Variants in PCDHA3 observed in about 807,000 individuals in gnomAD.
PCDHA3 encodes the protein protocadherin alpha 3.
In PCDHA3, 41 loss-of-function variants were observed where a neutral mutation model predicts 62.2. The observed-to-expected ratio is 0.66, with a 90% CI of 0.51 to 0.86. PCDHA3 has a LOEUF of 0.86. Ranked by LOEUF, PCDHA3 falls within the 40% of genes least tolerant of loss-of-function variation. The pLI is 0.00. For synonymous variants in PCDHA3, 640 were observed against 555.4 expected (o/e 1.15, Z -2.14); for missense variants, 1,304 against 1,241.2 (o/e 1.05, Z -0.76).
intron 1 of PCDHA3, chr5:140,870,556 G>A (rs782048917): frequency 8.1e-6 from 13 of 1,614,038 alleles, no homozygotes; most frequent in Middle Eastern, 1.7e-4. Flanking sequence ...GGACGCGCAG[G>A]AGAACGCGCT....
chr5:140,831,736 C>A (rs1771682555), intron 1 of PCDHA3, among the ~76,000 whole-genome samples: 1 of 152,014 alleles, frequency 6.6e-6, no homozygotes. Flanking sequence ...TCCTCCCTTG[C>A]CTAAATTTCA....
intron 1 of PCDHA3, chr5:140,841,323 T>G: frequency 1.3e-6 from 2 of 1,588,196 alleles, no homozygotes; most frequent in Non-Finnish European, 1.7e-6. Flanking sequence ...CTATTTAACA[T>G]GGATTATCAC....
chr5:140,811,529 T>C (rs1554125761), intron 1 of PCDHA3: 2 of 152,210 alleles, frequency 1.3e-5, no homozygotes. Context: ...TACCCAGTAA[T>C]GGGTCAAATG....
chr5:140,888,811 T>C (rs187578319), intron 1 of PCDHA3, among the ~76,000 whole-genome samples: 124 of 152,270 alleles, frequency 8.1e-4, no homozygotes, highest in African/African-American at 1.8e-3. Context: ...CAGTGATCTG[T>C]GATCTGTGAT....
intron 1 of PCDHA3, chr5:140,850,611 G>C (rs1353719119): frequency 6.3e-7 from 1 of 1,598,588 alleles, no homozygotes; most frequent in Non-Finnish European, 8.6e-7. Flanking sequence ...CGCCATCTGC[G>C]CGGTGTCTAG....
intron 1 of PCDHA3, chr5:140,854,657 T>C (rs1554147373): frequency 6.7e-6 from 1 of 149,998 alleles, no homozygotes; most frequent in Non-Finnish European, 1.5e-5. Context: ...ATAAAATAAA[T>C]TAACCCTTGC....
In PCDHA3 at chr5:140,802,454, G is replaced by C. The variant is rs1554122143; in HGVS notation, c.1257G>C (p.Ser419=). The part of the protein sequence containing the change: ...LDSPLDRESV[S]AYELVVTARD... The stretch of plus-strand genomic sequence containing the variant: ...GCCCTCTGGACCGCGAGAGCGTGTC[G>C]GCCTATGAGCTGGTGGTGACTGCTC... The change falls in exon 1 of 4, where the codon TCG becomes TCC. Residue 419 remains serine (S), a synonymous_variant. Coordinates refer to ENST00000522353, the MANE Select transcript of PCDHA3 (RefSeq NM_018906.3). 3.1e-6 allele frequency: 5 copies of C among 1,614,096 alleles called. No homozygotes were observed. Among genetic ancestry groups the C allele is most frequent in the Admixed American group, 1.7e-5 (1 of 60,012 alleles).
intron 1 of PCDHA3, chr5:140,836,418 T>G (rs1470820599): frequency 6.2e-7 from 1 of 1,613,726 alleles, no homozygotes; most frequent in Non-Finnish European, 8.5e-7. Context: ...ACCAAAGGCG[T>G]CGTCGCGGGC....
intron 1 of PCDHA3, chr5:140,822,581 A>T: frequency 6.2e-7 from 1 of 1,610,708 alleles, no homozygotes; most frequent in Non-Finnish European, 8.5e-7. Flanking sequence ...TCAGATGCAG[A>T]TGAGGGCATC....
At chr5:140,858,647 A>T in intron 1 of PCDHA3, 1 of 821,512 alleles carries the variant, frequency 1.2e-6, no homozygotes, top group Non-Finnish European at 1.8e-6. Context: ...ATTGGTACTT[A>T]AATTTTTTTA....
chr5:140,851,492 T>C, intron 1 of PCDHA3: 2 of 896,256 alleles, frequency 2.2e-6, no homozygotes, highest in Non-Finnish European at 2.7e-6. Context: ...ACAGCCTTCA[T>C]TTCAACTTAT....
At chr5:140,921,202 C>T (rs528515993) in intron 1 of PCDHA3, among the ~76,000 whole-genome samples, 20 of 151,968 alleles carry the variant, frequency 1.3e-4, no homozygotes, top group African/African-American at 3.6e-4. Context: ...AGATTGACAA[C>T]GATAATTCAC....
At chr5:140,848,448 T>C (rs2150410519) in intron 1 of PCDHA3, 3 of 1,511,550 alleles carry the variant, frequency 2.0e-6, no homozygotes, top group African/African-American at 1.4e-5. Flanking sequence ...TGATTTCTTC[T>C]AATTTGGAGG....
intron 1 of PCDHA3, chr5:140,876,290 T>C: frequency 6.2e-7 from 1 of 1,614,074 alleles, no homozygotes; most frequent in Non-Finnish European, 8.5e-7. Flanking sequence ...GACGAAGGAC[T>C]TAATGGAGAA....
At chr5:140,836,549 G>C (rs2150263747) in intron 1 of PCDHA3, 1 of 1,613,770 alleles carries the variant, frequency 6.2e-7, no homozygotes, top group East Asian at 2.2e-5. Flanking sequence ...CGGCGTTGCG[G>C]TGCTCAGCGC....
chr5:140,982,582 T>C lies in PCDHA3; in HGVS notation c.2542+19T>C. On this transcript the variant is annotated intron_variant, in intron 3 of 3. Transcript: ENST00000522353. ...ACACCAGGTAAAGAGCTGGGGTCTC[T>C]CCATTCTTTCTTGGTTTCTGGAAAG... 6.2e-7 allele frequency: 1 copy of C among 1,612,148 alleles called. No homozygotes were observed. Among genetic ancestry groups the C allele is most frequent in the Non-Finnish European group, 8.5e-7 (1 of 1,178,720 alleles).
intron 1 of PCDHA3, chr5:140,875,922 T>C: frequency 6.2e-7 from 1 of 1,614,200 alleles, no homozygotes; most frequent in South Asian, 1.1e-5. Context: ...CTCTGGACTC[T>C]CATTTTCCTC....
intron 1 of PCDHA3, among the ~76,000 whole-genome samples, chr5:140,917,535 T>C (rs2078248743): frequency 3.3e-5 from 5 of 152,278 alleles, no homozygotes; most frequent in South Asian, 4.1e-4. Flanking sequence ...TTGTATAGTT[T>C]TAGGTTTTAC....
chr5:140,922,477 C>T (rs1233589980), intron 1 of PCDHA3, among the ~76,000 whole-genome samples: 2 of 152,124 alleles, frequency 1.3e-5, no homozygotes, highest in African/African-American at 2.4e-5. Context: ...GGAGAGAAGG[C>T]AGGACTAAAT....
Sources: allele counts gnomAD v4.1 joint callset (sites outside exome capture counted in the v4.1 genomes callset), GRCh38; gene constraint gnomAD v4.1.1; transcripts MANE v1.5; gene names NCBI Gene and HGNC (gene_info 2026-07-23, HGNC 2026-07-21).